Variants in NRXN1 observed in about 807,000 individuals in gnomAD.
NRXN1 encodes neurexin 1, also known as neurexin-1.
A neutral mutation model predicts 150.9 loss-of-function variants in NRXN1; 39 were observed. The ratio of observed to expected loss-of-function variants is 0.26; its 90% CI spans 0.20 to 0.34. NRXN1 has a LOEUF of 0.34. Among genes scored for constraint, NRXN1 ranks in the 10% least tolerant of loss-of-function variants. The pLI, the probability that NRXN1 is intolerant of heterozygous loss-of-function variation, is 1.00. For synonymous variants in NRXN1, 924 were observed against 757.0 expected, an observed-to-expected ratio of 1.22 and a Z score of -3.62; for missense variants, 1,815 against 1,949.9, an observed-to-expected ratio of 0.93 and a Z score of 1.30.
intron 18 of NRXN1, among the ~76,000 whole-genome samples, chr2:50,110,909 A>G (rs1403860982): frequency 6.6e-6 from 1 of 152,210 alleles, no homozygotes; most frequent in Non-Finnish European, 1.5e-5. Flanking sequence ...TTTAGAAAAA[A>G]ATCAAATAAT....
chr2:50,642,654 G>C (rs1425413879), intron 5 of NRXN1, among the ~76,000 whole-genome samples: 1 of 152,004 alleles, frequency 6.6e-6, no homozygotes, highest in Non-Finnish European at 1.5e-5. Flanking sequence ...AGGGACAATT[G>C]CATGTCATCT....
At chr2:50,116,573 A>C (rs1703099962) in intron 18 of NRXN1, among the ~76,000 whole-genome samples, 2 of 152,036 alleles carry the variant, frequency 1.3e-5, no homozygotes, top group Admixed American at 1.3e-4. Flanking sequence ...TAAGTTACCA[A>C]AGTTGCTTTG....
At chr2:50,728,560 T>C (rs1471104730) in intron 5 of NRXN1, among the ~76,000 whole-genome samples, 1 of 152,214 alleles carries the variant, frequency 6.6e-6, no homozygotes, top group South Asian at 2.1e-4. Context: ...TACATCAATA[T>C]GTTTTTGGTT....
intron 5 of NRXN1, among the ~76,000 whole-genome samples, chr2:50,787,597 AC>A (rs1275483550): frequency 2.0e-5 from 3 of 151,824 alleles, no homozygotes; most frequent in African/African-American, 7.3e-5. Context: ...AACAACAACA[AC>A]AACAACAAAA....
chr2:50,784,124 T>C (rs919666288), intron 5 of NRXN1, among the ~76,000 whole-genome samples: 2 of 152,148 alleles, frequency 1.3e-5, no homozygotes, highest in Non-Finnish European at 2.9e-5. Context: ...TGGGTGGGTA[T>C]GTATGTGTGA....
chr2:50,334,192 A>ATTTTATACATATATATAT, intron 17 of NRXN1, among the ~76,000 whole-genome samples: 1 of 118,996 alleles, frequency 8.4e-6, no homozygotes, highest in African/African-American at 4.3e-5. Context: ...ACCAGGACCA[A>ATTTTATACATATATATAT]ATATATATAT....
chr2:50,392,936 G>A (rs1368307365), intron 17 of NRXN1, among the ~76,000 whole-genome samples: 2 of 151,998 alleles, frequency 1.3e-5, no homozygotes, highest in Admixed American at 1.3e-4. Context: ...AAAATGTACA[G>A]TGTTTAAAAA....
At chr2:50,632,164 C>T (rs1448458458) in intron 5 of NRXN1, among the ~76,000 whole-genome samples, 2 of 151,868 alleles carry the variant, frequency 1.3e-5, no homozygotes, top group Non-Finnish European at 2.9e-5. Context: ...TTGGTCAAGG[C>T]AATATATTCT....
At chr2:50,786,330 T>A (rs1002349934) in intron 5 of NRXN1, among the ~76,000 whole-genome samples, 1 of 152,080 alleles carries the variant, frequency 6.6e-6, no homozygotes, top group Non-Finnish European at 1.5e-5. Flanking sequence ...TATTCCTCTT[T>A]ATAGCAAATT....
chr2:50,886,723 T>C (rs1018735126), intron 5 of NRXN1, among the ~76,000 whole-genome samples: 3 of 151,390 alleles, frequency 2.0e-5, no homozygotes, highest in African/African-American at 7.3e-5. Flanking sequence ...GACTGAACAG[T>C]CATGAGATTA....
intron 5 of NRXN1, among the ~76,000 whole-genome samples, chr2:50,786,384 C>T (rs901701145): frequency 2.0e-5 from 3 of 152,110 alleles, no homozygotes; most frequent in African/African-American, 7.2e-5. Flanking sequence ...CATCCACACT[C>T]TCAGTACCTA....
At chr2:51,017,938 C>A (rs1490685597) in intron 2 of NRXN1, among the ~76,000 whole-genome samples, 1 of 152,040 alleles carries the variant, frequency 6.6e-6, no homozygotes, top group African/African-American at 2.4e-5. Context: ...CTAAGGAGAG[C>A]CCAGGCATGC....
chr2:50,534,683 G>T (rs1173798207), intron 10 of NRXN1, among the ~76,000 whole-genome samples: 1 of 152,152 alleles, frequency 6.6e-6, no homozygotes, highest in Non-Finnish European at 1.5e-5. Flanking sequence ...ATTATCATGT[G>T]TTCAGTTACT....
At chr2:50,098,456 G>A (rs1192607332) in intron 18 of NRXN1, among the ~76,000 whole-genome samples, 1 of 152,070 alleles carries the variant, frequency 6.6e-6, no homozygotes, top group Non-Finnish European at 1.5e-5. Context: ...ACTACCAGCA[G>A]GTTCTAATGC....
chr2:51,027,209 C>A (rs1483608372), intron 2 of NRXN1, among the ~76,000 whole-genome samples: 1 of 152,082 alleles, frequency 6.6e-6, no homozygotes, highest in African/African-American at 2.4e-5. Context: ...CCAAAGAACC[C>A]GAGGAATAAG....
At chr2:50,816,893 T>C (rs1348295843) in intron 5 of NRXN1, among the ~76,000 whole-genome samples, 1 of 152,140 alleles carries the variant, frequency 6.6e-6, no homozygotes, top group Non-Finnish European at 1.5e-5. Context: ...ATTTATGTAT[T>C]TTAAGATACA....
At chr2:50,871,826 G>A (rs1211907830) in intron 5 of NRXN1, among the ~76,000 whole-genome samples, 1 of 151,586 alleles carries the variant, frequency 6.6e-6, no homozygotes, top group African/African-American at 2.4e-5. Flanking sequence ...TTCATCCATT[G>A]GTCTAAATAT....
chr2:50,829,814 A>G, intron 5 of NRXN1: 1 of 1,419,520 alleles, frequency 7.0e-7, no homozygotes, highest in South Asian at 1.3e-5. Flanking sequence ...ACTTTTGGTA[A>G]CATAATATAT....
At chr2:50,462,670 G>T (rs150632538) in intron 17 of NRXN1, among the ~76,000 whole-genome samples, 3 of 151,598 alleles carry the variant, frequency 2.0e-5, no homozygotes, top group African/African-American at 7.3e-5. Context: ...GGGAAGAAAG[G>T]GTTTAACAAA....
Sources: gnomAD v4.1 joint callset for allele counts (sites outside exome capture counted in the v4.1 genomes callset) on GRCh38, gnomAD v4.1.1 for gene constraint, MANE v1.5 for transcripts, NCBI Gene and HGNC (gene_info 2026-07-23, HGNC 2026-07-21) for gene names.